Variants in TDRD3 observed in about 807,000 individuals in gnomAD.
TDRD3 encodes the protein tudor domain-containing protein 3.
TDRD3 carries 45 observed loss-of-function variants against 86.7 expected under a neutral mutation model. The observed-to-expected ratio is 0.52, with a 90% CI of 0.41 to 0.67. TDRD3 has a LOEUF of 0.67. Among genes scored for constraint, TDRD3 ranks in the 30% least tolerant of loss-of-function variants. The pLI, the probability that TDRD3 is intolerant of heterozygous loss-of-function variation, is 0.00. For synonymous variants in TDRD3, 298 were observed against 301.7 expected, an observed-to-expected ratio of 0.99 and a Z score of 0.13; for missense variants, 814 against 889.0, an observed-to-expected ratio of 0.92 and a Z score of 1.07.
rs763777478 is a variant in TDRD3 at position 60,485,949 on chromosome 13, G to T, written c.717+1G>T. 1 of 1,597,876 alleles carries T rather than the reference G, an allele frequency of 6.3e-7. No homozygotes were observed. Among genetic ancestry groups the T allele is most frequent in the Admixed American group, 1.8e-5 (1 of 57,018 alleles). The stretch of plus-strand genomic sequence containing the variant: ...TGCTGAAGTTGCAAAGAGCAAGGAA[G>T]TAAGAAATCAAATCATTACACGTTT... On this transcript the variant is annotated splice_donor_variant, in intron 7 of 13. Transcript: ENST00000377881. LOFTEE classifies it high-confidence loss of function.
intron 12 of TDRD3, among the ~76,000 whole-genome samples, chr13:60,542,702 A>C (rs946275346): frequency 6.6e-6 from 1 of 152,132 alleles, no homozygotes; most frequent in Non-Finnish European, 1.5e-5. Flanking sequence ...TTTAAATCCT[A>C]TGTATGTCTC....
At chr13:60,518,607 A>G (rs1312934156) in intron 10 of TDRD3, among the ~76,000 whole-genome samples, 1 of 152,212 alleles carries the variant, frequency 6.6e-6, no homozygotes, top group Non-Finnish European at 1.5e-5. Flanking sequence ...CTTTGTAAAT[A>G]CATGTAAAAA....
chr13:60,508,352 T>A (rs1008837620), intron 8 of TDRD3, among the ~76,000 whole-genome samples: 2 of 152,206 alleles, frequency 1.3e-5, no homozygotes, highest in African/African-American at 4.8e-5. Flanking sequence ...GGCATCATGC[T>A]ACGTGACTTC....
At chr13:60,468,004 C>T (rs1454283286) in intron 5 of TDRD3, among the ~76,000 whole-genome samples, 2 of 151,494 alleles carry the variant, frequency 1.3e-5, no homozygotes, top group Non-Finnish European at 2.9e-5. Flanking sequence ...TATCTCTTGC[C>T]TGGACTGCTG....
chr13:60,495,411 G>T (rs893977770), intron 8 of TDRD3, among the ~76,000 whole-genome samples: 1 of 152,094 alleles, frequency 6.6e-6, no homozygotes, highest in Non-Finnish European at 1.5e-5. Flanking sequence ...TATCGTGAGA[G>T]ACTGGAGTTT....
chr13:60,565,276 T>C (rs190217364), intron 12 of TDRD3, among the ~76,000 whole-genome samples: 2,001 of 151,724 alleles, frequency 0.013, 41 homozygotes, highest in African/African-American at 0.044. Flanking sequence ...AGGATGGTCT[T>C]GATCTCCAGA....
At chr13:60,404,132 A>G (rs892430721) in intron 1 of TDRD3, among the ~76,000 whole-genome samples, 2 of 152,176 alleles carry the variant, frequency 1.3e-5, no homozygotes, top group African/African-American at 2.4e-5. Flanking sequence ...AGGTTTTTGT[A>G]TATGTCTTCT....
rs554107169 is a variant in TDRD3 at position 60,541,496 on chromosome 13, C to T, written c.2118+6263C>T. Among the ~76,000 whole-genome samples, 11 of 151,650 alleles carry T rather than the reference C, an allele frequency of 7.3e-5. No individual in the cohort carries two copies. The East Asian group carries it at 1.2e-3, about 16-fold the overall frequency. ...GCATTCTTTTATTTTTTTTTGTATA[C>T]GTGAATAATACCAGAAGCTATTACA... On this transcript the variant is annotated intron_variant, in intron 12 of 13. Coordinates refer to ENST00000377881, the MANE Select transcript of TDRD3 (RefSeq NM_001146070.2).
At chr13:60,515,438 C>T (rs1957147710) in intron 10 of TDRD3, among the ~76,000 whole-genome samples, 1 of 152,266 alleles carries the variant, frequency 6.6e-6, no homozygotes, top group African/African-American at 2.4e-5. Flanking sequence ...CATGATAACA[C>T]ACATAAGTAC....
In TDRD3 at chr13:60,485,883, A is replaced by C. The variant is rs1310742569; in HGVS notation, c.652A>C (p.Asn218His). Residue 218 changes from asparagine to histidine, a missense_variant, in exon 7 of 14, where the codon AAT becomes CAT. Physicochemically the swap from Asn to His is moderately conservative, Grantham distance 68. Transcript: ENST00000377881. ...LQVTMPVKPTNDNDEFEKQRT... is the reference protein window; with the variant it reads ...LQVTMPVKPTHDNDEFEKQRT... ...AGTTACAATGCCTGTCAAACCTACA[A>C]ATGATAATGATGAATTTGAAAAGCA... 1 of 1,611,368 alleles carries C rather than the reference A, an allele frequency of 6.2e-7. No homozygotes were observed. The highest frequency in any genetic ancestry group is 1.7e-5 in the Admixed American group (1 of 59,586).
In TDRD3 at chr13:60,397,285, T is replaced by TG. The variant is rs1357762484; in HGVS notation, c.-80_-79insG. On this transcript the variant is annotated 5_prime_UTR_variant, in exon 1 of 14. An upstream open reading frame in the 5' UTR gains an earlier in-frame stop. Coordinates refer to ENST00000377881, the MANE Select transcript of TDRD3 (RefSeq NM_001146070.2). ...TTCTTTTCTTTTCTTTTTTTTTTTT[T>TG]AAGGGGGGGGGTCTCAAGTAGGAGG... The TG allele has an allele frequency of 1.6e-6, 1 of 623,716 alleles. No homozygotes were observed. Among genetic ancestry groups the TG allele is most frequent in the Admixed American group, 4.1e-5 (1 of 24,338 alleles). The allele number at this position is 623,716 out of a possible 1,614,324, so 38.6% of individuals were successfully genotyped here.
intron 12 of TDRD3, among the ~76,000 whole-genome samples, chr13:60,564,354 G>T (rs541164849): frequency 1.2e-4 from 19 of 152,196 alleles, no homozygotes; most frequent in African/African-American, 4.6e-4. Context: ...TGGTCAAGGC[G>T]GGACAACTTG....
intron 3 of TDRD3, among the ~76,000 whole-genome samples, chr13:60,453,577 G>C (rs1465228804): frequency 1.3e-5 from 2 of 152,112 alleles, no homozygotes; most frequent in Non-Finnish European, 2.9e-5. Context: ...TCTAGAAAAG[G>C]CAAATGTTTA....
chr13:60,554,881 A>G (rs1356599877), intron 12 of TDRD3, among the ~76,000 whole-genome samples: 1 of 152,200 alleles, frequency 6.6e-6, no homozygotes, highest in Non-Finnish European at 1.5e-5. Context: ...GATGTTTCAG[A>G]TGTGGAATTA....
chr13:60,510,642 G>T lies in TDRD3; in HGVS notation c.1028G>T (p.Gly343Val), dbSNP rs376874985. The T allele has an allele frequency of 3.1e-6, 5 of 1,600,382 alleles. No homozygotes were observed. The highest frequency in any genetic ancestry group is 2.6e-6 in the Non-Finnish European group (3 of 1,173,486). Residue 343 changes from glycine to valine, a missense_variant, in exon 10 of 14, where the codon GGC becomes GTC. Gly to Val is a moderately radical substitution (Grantham distance 109). Transcript: ENST00000377881. ...TTTGCATCTAAAGGTAGAGGAAAAGGCAGGGGGCGAATAAGATCTGAAGAT... is the reference window on the plus strand; with the variant it reads ...TTTGCATCTAAAGGTAGAGGAAAAGTCAGGGGGCGAATAAGATCTGAAGAT... ...MGPPLRGRGKGRGRIRSEDEE... is the reference protein window; with the variant it reads ...MGPPLRGRGKVRGRIRSEDEE...
At chr13:60,456,801 T>A (rs889957823) in intron 3 of TDRD3, among the ~76,000 whole-genome samples, 3 of 152,102 alleles carry the variant, frequency 2.0e-5, no homozygotes, top group African/African-American at 4.8e-5. Flanking sequence ...GCTCAAGAGA[T>A]CCTGCCATCT....
intron 3 of TDRD3, among the ~76,000 whole-genome samples, chr13:60,459,806 A>G (rs1955767295): frequency 6.6e-6 from 1 of 152,126 alleles, no homozygotes; most frequent in South Asian, 2.1e-4. Flanking sequence ...TTTTTAGTAG[A>G]GACGGGGATT....
At chr13:60,445,518 A>G (rs965000719) in intron 3 of TDRD3, among the ~76,000 whole-genome samples, 1 of 152,130 alleles carries the variant, frequency 6.6e-6, no homozygotes, top group African/African-American at 2.4e-5. Flanking sequence ...TCTTTTGGTT[A>G]TAGTGGCTAT....
Position 60,460,309 on chromosome 13 carries a change from T to C in TDRD3, c.193-71T>C, listed in dbSNP as rs1020195752. 42 of 1,340,408 alleles carry C rather than the reference T, an allele frequency of 3.1e-5. 1 individual carries two copies. In the Admixed American group the frequency reaches 1.4e-3, roughly 44 times the overall value. The allele number at this position is 1,340,408 out of a possible 1,614,324, so 83.0% of individuals were successfully genotyped here. On this transcript the variant is annotated intron_variant, in intron 3 of 13. Coordinates refer to ENST00000377881, the MANE Select transcript of TDRD3 (RefSeq NM_001146070.2). ...ACTATTAAGGAAAAGAGAAACACTA[T>C]AAATGAAAACACAGCCCTGAATAGA...
Sources: gnomAD v4.1 joint callset for allele counts (sites outside exome capture counted in the v4.1 genomes callset) on GRCh38, gnomAD v4.1.1 for gene constraint, MANE v1.5 for transcripts, NCBI Gene and HGNC (gene_info 2026-07-23, HGNC 2026-07-21) for gene names.